Variants in MAP4 observed in about 807,000 individuals in gnomAD.
The protein encoded by MAP4 is microtubule associated protein 4.
Under a neutral mutation model 170.2 loss-of-function variants are expected in MAP4, and 76 were observed. That is an observed-to-expected ratio of 0.45 (90% CI 0.37 to 0.54). MAP4 has a LOEUF of 0.54. MAP4 is among the 20% of genes least tolerant of loss of function. The pLI, the probability that MAP4 is intolerant of heterozygous loss-of-function variation, is 0.00. For synonymous variants in MAP4, 909 were observed against 994.5 expected (o/e 0.91, Z 1.62); for missense variants, 2,506 against 2,748.0 (o/e 0.91, Z 1.97).
At position 47,910,702 on chromosome 3, in the gene MAP4, T is replaced by A. The variant is rs2100035552; in HGVS notation, c.3719A>T (p.Asn1240Ile). ...ARMERKEEIL[N>I]PPFEGKDGDT... The stretch of plus-strand genomic sequence containing the variant: ...TCCATCCTTCCCTTCAAAAGGTGGG[T>A]TAAGGATTTCTTCCTTCCTCTCCAT... The change falls in exon 9 of 21, where the codon AAC becomes ATC. Residue 1240 changes from asparagine (N) to isoleucine (I), a missense_variant. By Grantham distance (149) the Asn-to-Ile change is moderately radical. Transcript: ENST00000683076. 1.3e-5 allele frequency: 20 copies of A among 1,535,990 alleles called. No homozygotes were observed. Among genetic ancestry groups the A allele is most frequent in the Non-Finnish European group, 1.7e-5 (20 of 1,146,894 alleles).
At chr3:47,891,531 C>A (rs1226828500) in intron 10 of MAP4, 1 of 1,519,988 alleles carries the variant, frequency 6.6e-7, no homozygotes, top group Admixed American at 2.0e-5. Flanking sequence ...GCAGGGAGTT[C>A]AGGGTACTTA....
At chr3:48,005,718 A>C (rs1305634001) in intron 1 of MAP4, among the ~76,000 whole-genome samples, 1 of 152,212 alleles carries the variant, frequency 6.6e-6, no homozygotes, top group East Asian at 1.9e-4. Context: ...TACTCATCCC[A>C]GCTGGGAGGG....
chr3:47,927,518 C>T (rs1188043618), intron 4 of MAP4, among the ~76,000 whole-genome samples: 1 of 152,086 alleles, frequency 6.6e-6, no homozygotes. Context: ...TCTTGTTGCC[C>T]AGGCTGGGGT....
At chr3:48,028,797 C>G (rs2100114402) in intron 1 of MAP4, among the ~76,000 whole-genome samples, 1 of 148,154 alleles carries the variant, frequency 6.7e-6, no homozygotes, top group Non-Finnish European at 1.5e-5. Flanking sequence ...TACCACAAAA[C>G]TAGTGGTAAT....
intron 18 of MAP4, 44 bp downstream of exon 18, chr3:47,857,387 C>T (rs371880655): frequency 7.7e-5 from 118 of 1,535,416 alleles, no homozygotes; most frequent in Non-Finnish European, 1.0e-4. Context: ...CATGGCAGGA[C>T]GACATACCCT....
chr3:48,079,219 A>G (rs1292467041), intron 1 of MAP4, among the ~76,000 whole-genome samples: 1 of 152,120 alleles, frequency 6.6e-6, no homozygotes, highest in Admixed American at 6.6e-5. Flanking sequence ...ATACTTTTTG[A>G]TGTCAAAGGA....
At chr3:48,034,647 G>A (rs143245880) in intron 1 of MAP4, among the ~76,000 whole-genome samples, 6 of 151,968 alleles carry the variant, frequency 3.9e-5, no homozygotes, top group African/African-American at 1.2e-4. Context: ...AGGTTGCAGT[G>A]AGCTGAGATC....
intron 15 of MAP4, among the ~76,000 whole-genome samples, chr3:47,869,576 G>A (rs1344797189): frequency 6.6e-6 from 1 of 152,118 alleles, no homozygotes; most frequent in Non-Finnish European, 1.5e-5. Context: ...CAAGACACTA[G>A]CTAATGAAGA....
chr3:48,062,099 C>T (rs911382150), intron 1 of MAP4, among the ~76,000 whole-genome samples: 3 of 152,134 alleles, frequency 2.0e-5, no homozygotes, highest in Admixed American at 1.3e-4. Flanking sequence ...CAGATTGTTG[C>T]TGTGTCTGTG....
At chr3:47,975,169 T>A in intron 3 of MAP4, 10 of 1,189,788 alleles carry the variant, frequency 8.4e-6, no homozygotes, top group Non-Finnish European at 1.0e-5. Context: ...ATAAAAGACA[T>A]TAGATAACCT....
At chr3:48,048,300 C>A (rs1316614363) in intron 1 of MAP4, among the ~76,000 whole-genome samples, 2 of 152,110 alleles carry the variant, frequency 1.3e-5, no homozygotes, top group African/African-American at 4.8e-5. Flanking sequence ...TGGAGCAAGT[C>A]ATCACCTTCC....
intron 1 of MAP4, among the ~76,000 whole-genome samples, chr3:48,081,323 A>T (rs1449581778): frequency 6.6e-6 from 1 of 151,746 alleles, no homozygotes; most frequent in African/African-American, 2.4e-5. Context: ...TAAATAAATA[A>T]ATAAATAATA....
At chr3:47,917,585 CAAAAA>C (rs397877787) in intron 6 of MAP4, among the ~76,000 whole-genome samples, 2 of 92,726 alleles carry the variant, frequency 2.2e-5, no homozygotes, top group Middle Eastern at 5.3e-3. Flanking sequence ...GAGTCCGTCT[CAAAAA>C]AAAAAAAAAA....
chr3:48,055,317 T>C (rs2100130420), intron 1 of MAP4, among the ~76,000 whole-genome samples: 1 of 152,152 alleles, frequency 6.6e-6, no homozygotes, highest in Non-Finnish European at 1.5e-5. Context: ...CCTCCCTGCC[T>C]GATTCTCCTG....
At chr3:47,990,299 T>C (rs2100091380) in intron 2 of MAP4, among the ~76,000 whole-genome samples, 1 of 152,208 alleles carries the variant, frequency 6.6e-6, no homozygotes, top group Non-Finnish European at 1.5e-5. Flanking sequence ...CTATTATGGC[T>C]TGTTAAAACA....
intron 1 of MAP4, among the ~76,000 whole-genome samples, chr3:48,034,287 A>C (rs2100117652): frequency 1.3e-5 from 2 of 152,204 alleles, no homozygotes. Context: ...AATTTTATCA[A>C]AAAGCTTTTT....
chr3:47,898,755 G>A (rs746908301), intron 10 of MAP4, among the ~76,000 whole-genome samples: 7 of 152,044 alleles, frequency 4.6e-5, no homozygotes, highest in Non-Finnish European at 1.0e-4. Context: ...AAGAGCCTGG[G>A]CAACATAGCA....
At chr3:47,942,211 C>T (rs1476445501) in intron 3 of MAP4, among the ~76,000 whole-genome samples, 1 of 152,144 alleles carries the variant, frequency 6.6e-6, no homozygotes, top group African/African-American at 2.4e-5. Flanking sequence ...ATACACAACA[C>T]AGTATCTCAT....
chr3:48,061,244 C>G (rs571721796), intron 1 of MAP4, among the ~76,000 whole-genome samples: 3 of 151,514 alleles, frequency 2.0e-5, no homozygotes, highest in Admixed American at 6.6e-5. Context: ...TGATGCCGAG[C>G]CGAAGCTGGA....
Sources: allele counts gnomAD v4.1 joint callset (sites outside exome capture counted in the v4.1 genomes callset), GRCh38; gene constraint gnomAD v4.1.1; transcripts MANE v1.5; gene names NCBI Gene and HGNC (gene_info 2026-07-23, HGNC 2026-07-21).